The following KIF2A variants were observed in gnomAD, a reference collection of about 807,000 sequenced individuals.
KIF2A encodes the protein kinesin family member 2A.
A neutral mutation model predicts 100.2 loss-of-function variants in KIF2A; 22 were observed. That is an observed-to-expected ratio of 0.22 (90% CI 0.16 to 0.31). The LOEUF is 0.31. Ranked by LOEUF, KIF2A falls within the 10% of genes least tolerant of loss-of-function variation. The pLI is 1.00. For synonymous variants in KIF2A, 268 were observed against 285.9 expected (o/e 0.94, Z 0.63); for missense variants, 495 against 898.7 (o/e 0.55, Z 5.74).
chr5:62,365,200 A>T, intron 14 of KIF2A, 43 bp from the exon 15 acceptor site: 2 of 976,320 alleles, frequency 2.0e-6, no homozygotes, highest in Non-Finnish European at 3.1e-6. Flanking sequence ...ATTATCCTTT[A>T]TAAGAAAGAC....
chr5:62,358,060 A>T, intron 8 of KIF2A, 77 bp from the exon 9 acceptor site: 1 of 1,090,974 alleles, frequency 9.2e-7, no homozygotes, highest in Non-Finnish European at 1.3e-6. Flanking sequence ...CTTAGTTCTT[A>T]CTACTTAAAA....
chr5:62,332,619 G>A (rs943652981), intron 1 of KIF2A, among the ~76,000 whole-genome samples: 1 of 152,016 alleles, frequency 6.6e-6, no homozygotes. Flanking sequence ...TTATTTTTAT[G>A]TTAAGTTGGA....
chr5:62,321,525 G>A (rs951571141), intron 1 of KIF2A, among the ~76,000 whole-genome samples: 12 of 151,906 alleles, frequency 7.9e-5, no homozygotes, highest in South Asian at 4.2e-4. Context: ...GATGTTGAAC[G>A]TCTTTCCATG....
rs902649348 is a variant in KIF2A at position 62,362,433 on chromosome 5, T to C, written c.1028-17T>C. The C allele has an allele frequency of 4.0e-6, 5 of 1,260,344 alleles. No individual in the cohort carries two copies. Among genetic ancestry groups the C allele is most frequent in the Non-Finnish European group, 5.2e-6 (5 of 956,942 alleles). 78.1% of individuals were successfully genotyped at this position (1,260,344 alleles called of 1,614,324 possible). On this transcript the variant is annotated splice_polypyrimidine_tract_variant and intron_variant, in intron 11 of 20. Transcript: ENST00000407818. ...ATTTGTTGGATCTCAATTTTCTGTA[T>C]ATGAAATTTTTGACAGCTCGAGATG...
At chr5:62,363,434 A>G (rs1394824119) in intron 13 of KIF2A, 114 bp downstream of exon 13, 2 of 1,019,236 alleles carry the variant, frequency 2.0e-6, no homozygotes, top group Non-Finnish European at 2.8e-6. Context: ...ATCATTGTTC[A>G]TAAAAACTTG....
Position 62,348,164 on chromosome 5 carries a change from A to G in KIF2A, c.276A>G (p.Val92=). 6.2e-7 allele frequency: 1 copy of G among 1,613,602 alleles called. No individual in the cohort carries two copies. The highest frequency in any genetic ancestry group is 1.1e-5 in the South Asian group (1 of 91,078). The change falls in exon 3 of 21, where the codon GTA becomes GTG. Residue 92 remains valine, a synonymous_variant. Coordinates refer to ENST00000407818, the MANE Select transcript of KIF2A (RefSeq NM_001098511.3). Reference sequence around the variant, plus strand: ...CCTCAGCCAAAGTAAACAAAATTGTAAAGGTTAGTGATGAAAATTCAGAGT... The same window carrying G: ...CCTCAGCCAAAGTAAACAAAATTGTGAAGGTTAGTGATGAAAATTCAGAGT... The part of the protein sequence containing the change: ...PASSAKVNKI[V]KNRRTVASIK...
rs974436260 is a variant in KIF2A at position 62,387,596 on chromosome 5, C to CTG, written c.*2028_*2029dup. The CTG allele has an allele frequency of 6.6e-6, 1 of 151,986 alleles. No individual in the cohort carries two copies. Among genetic ancestry groups the CTG allele is most frequent in the African/African-American group, 2.4e-5 (1 of 41,378 alleles). The allele number at this position is 151,986 out of a possible 1,614,324, so 9.4% of individuals were successfully genotyped here. ...CCTTCAGCTTTACAGATAGTGAAAA[C>CTG]TGAAGGCCAGAAAAGGAACTAAAAC... On this transcript the variant is annotated 3_prime_UTR_variant, in exon 21 of 21. Coordinates refer to ENST00000407818, the MANE Select transcript of KIF2A (RefSeq NM_001098511.3).
intron 9 of KIF2A, among the ~76,000 whole-genome samples, chr5:62,358,827 C>A (rs1047557169): frequency 1.3e-5 from 2 of 152,148 alleles, no homozygotes; most frequent in Non-Finnish European, 2.9e-5. Flanking sequence ...TGCACCACCA[C>A]ACCCAGCTAA....
chr5:62,375,166 G>GGT (rs1339866625), intron 18 of KIF2A, among the ~76,000 whole-genome samples: 1 of 152,000 alleles, frequency 6.6e-6, no homozygotes, highest in African/African-American at 2.4e-5. Context: ...GAAATAAAAA[G>GGT]GTATATATAA....
At chr5:62,330,383 T>C (rs1278673734) in intron 1 of KIF2A, among the ~76,000 whole-genome samples, 1 of 152,194 alleles carries the variant, frequency 6.6e-6, no homozygotes, top group Non-Finnish European at 1.5e-5. Context: ...AAACCTGTTA[T>C]TTAATATAGG....
intron 1 of KIF2A, among the ~76,000 whole-genome samples, chr5:62,339,289 A>T (rs905142441): frequency 2.3e-5 from 2 of 86,532 alleles, no homozygotes; most frequent in Non-Finnish European, 5.2e-5. Flanking sequence ...CACCAAGGGG[A>T]TGGTGCACTC....
In KIF2A at chr5:62,381,247, C is replaced by T; in HGVS notation, c.2143C>T (p.Leu715=). The change falls in exon 20 of 21, where the codon CTG becomes TTG. Residue 715 remains leucine, a synonymous_variant. Coordinates refer to ENST00000407818, the MANE Select transcript of KIF2A (RefSeq NM_001098511.3). ...GCAAAAAATAGACATTTTAACTGAA[C>T]TGCGGGGTAATTCTTTTTCCATTTT... ...LEQKIDILTE[L]RDKVKSFRAA... 6.2e-7 allele frequency: 1 copy of T among 1,612,104 alleles called. No homozygotes were observed. Among genetic ancestry groups the T allele is most frequent in the Non-Finnish European group, 8.5e-7 (1 of 1,178,508 alleles).
intron 1 of KIF2A, among the ~76,000 whole-genome samples, chr5:62,316,424 C>A (rs1745820853): frequency 6.6e-6 from 1 of 152,148 alleles, no homozygotes; most frequent in Non-Finnish European, 1.5e-5. Context: ...CTGGCATTTG[C>A]CTTCTCTTTT....
At chr5:62,349,045 C>T (rs1225655992) in intron 3 of KIF2A, among the ~76,000 whole-genome samples, 1 of 152,080 alleles carries the variant, frequency 6.6e-6, no homozygotes, top group Non-Finnish European at 1.5e-5. Context: ...ATTTTCAACT[C>T]ATGAGTTTAA....
At chr5:62,367,184 A>C (rs763417120) in intron 16 of KIF2A, among the ~76,000 whole-genome samples, 2 of 152,156 alleles carry the variant, frequency 1.3e-5, no homozygotes, top group Non-Finnish European at 2.9e-5. Context: ...ATTATTCCTG[A>C]TAATATTAAA....
intron 3 of KIF2A, among the ~76,000 whole-genome samples, chr5:62,349,761 G>T (rs1262064000): frequency 2.6e-5 from 4 of 152,136 alleles, no homozygotes; most frequent in Admixed American, 2.6e-4. Context: ...CTTTGTTTCA[G>T]TTTCCTCATC....
rs948353122 is a variant in KIF2A at position 62,390,358 on chromosome 5, G to A, written c.*4789G>A. Among the ~76,000 whole-genome samples, 6 of 152,212 alleles carry A rather than the reference G, an allele frequency of 3.9e-5. No individual in the cohort carries two copies. Among genetic ancestry groups the A allele is most frequent in the African/African-American group, 1.2e-4 (5 of 41,458 alleles). On this transcript the variant is annotated 3_prime_UTR_variant, in exon 21 of 21. Coordinates refer to ENST00000407818, the MANE Select transcript of KIF2A (RefSeq NM_001098511.3). ...TATGACAGCTTTTTACTTGAGAAGT[G>A]TAGAACTTGCTTCAGGCTACAAAAC...
At chr5:62,350,943 G>T (rs1382460432) in intron 4 of KIF2A, among the ~76,000 whole-genome samples, 2 of 151,674 alleles carry the variant, frequency 1.3e-5, no homozygotes, top group Non-Finnish European at 2.9e-5. Context: ...AAAATGTATG[G>T]GATGATGGCT....
chr5:62,318,054 A>T (rs1340979622), intron 1 of KIF2A, among the ~76,000 whole-genome samples: 1 of 152,168 alleles, frequency 6.6e-6, no homozygotes, highest in African/African-American at 2.4e-5. Context: ...CTGACATAAT[A>T]GATTGATTTG....
Sources: gnomAD v4.1 joint callset for allele counts (sites outside exome capture counted in the v4.1 genomes callset) on GRCh38, gnomAD v4.1.1 for gene constraint, MANE v1.5 for transcripts, NCBI Gene and HGNC (gene_info 2026-07-23, HGNC 2026-07-21) for gene names.